Variants in THEMIS observed in about 807,000 individuals in gnomAD.
THEMIS encodes the protein thymocyte selection associated.
Under a neutral mutation model 52.6 loss-of-function variants are expected in THEMIS, and 37 were observed. The ratio of observed to expected loss-of-function variants is 0.70; its 90% CI spans 0.54 to 0.93. The LOEUF (loss-of-function observed/expected upper bound fraction) is 0.93, where lower values mean the gene tolerates loss of function less well. Among genes scored for constraint, THEMIS ranks in the 40% least tolerant of loss-of-function variants. The probability of loss-of-function intolerance (pLI) is 0.00; values close to 1 mark genes in which losing one functional copy is unlikely to be tolerated. For synonymous variants in THEMIS, 292 were observed against 272.7 expected (o/e 1.07, Z -0.70); for missense variants, 808 against 763.1 (o/e 1.06, Z -0.69).
intron 4 of THEMIS, among the ~76,000 whole-genome samples, chr6:127,752,033 G>C (rs1208070994): frequency 6.6e-6 from 1 of 151,540 alleles, no homozygotes; most frequent in Non-Finnish European, 1.5e-5. Context: ...TTAGAAACAA[G>C]AAGATTAAAT....
intron 4 of THEMIS, among the ~76,000 whole-genome samples, chr6:127,740,466 A>C (rs540027107): frequency 7.5e-6 from 1 of 133,416 alleles, no homozygotes; most frequent in African/African-American, 3.1e-5. Context: ...AAATGCAACA[A>C]ATGTGATTTA....
Position 127,812,876 on chromosome 6 carries a change from G to A in THEMIS, c.1758+7C>T. On this transcript the variant is annotated splice_region_variant and intron_variant, in intron 4 of 5. Coordinates refer to ENST00000368248, the MANE Select transcript of THEMIS (RefSeq NM_001010923.3). Reference sequence around the variant, plus strand: ...CCAGAGAAAACATTGCAAAACCATAGCCTTACCTTGGGAGACTTGGGCAGG... The same window carrying A: ...CCAGAGAAAACATTGCAAAACCATAACCTTACCTTGGGAGACTTGGGCAGG... 1.9e-6 allele frequency: 3 copies of A among 1,581,036 alleles called. No individual in the cohort carries two copies. Among genetic ancestry groups the A allele is most frequent in the Non-Finnish European group, 2.6e-6 (3 of 1,163,360 alleles).
intron 1 of THEMIS, among the ~76,000 whole-genome samples, chr6:127,897,285 C>G (rs1780997493): frequency 6.6e-6 from 1 of 151,252 alleles, no homozygotes; most frequent in South Asian, 2.1e-4. Context: ...TATAAACTGA[C>G]TACACTAACA....
chr6:127,823,403 A>G (rs1479851958), intron 3 of THEMIS, among the ~76,000 whole-genome samples: 3 of 152,160 alleles, frequency 2.0e-5, no homozygotes, highest in Admixed American at 6.5e-5. Flanking sequence ...TCATCATAAT[A>G]AGTCAAATCT....
At chr6:127,787,758 C>G (rs1322790536) in intron 4 of THEMIS, among the ~76,000 whole-genome samples, 1 of 151,632 alleles carries the variant, frequency 6.6e-6, no homozygotes, top group South Asian at 2.1e-4. Flanking sequence ...ATTAAGTCTA[C>G]TAACTATATT....
At chr6:127,775,112 C>T (rs571715258) in intron 4 of THEMIS, among the ~76,000 whole-genome samples, 119 of 152,206 alleles carry the variant, frequency 7.8e-4, no homozygotes, top group Non-Finnish European at 1.3e-3. Context: ...TGATTAGGAC[C>T]CATATATGTT....
At chr6:127,875,105 C>G (rs1413638687) in intron 1 of THEMIS, among the ~76,000 whole-genome samples, 1 of 152,214 alleles carries the variant, frequency 6.6e-6, no homozygotes, top group Non-Finnish European at 1.5e-5. Context: ...GAAACATCCC[C>G]AAAACCTCTG....
intron 4 of THEMIS, among the ~76,000 whole-genome samples, chr6:127,763,707 A>G (rs1776099262): frequency 6.6e-6 from 1 of 151,960 alleles, no homozygotes; most frequent in Admixed American, 6.6e-5. Context: ...TGAAATGTGG[A>G]TAGTCTGAAC....
intron 4 of THEMIS, among the ~76,000 whole-genome samples, chr6:127,723,011 G>A (rs914534841): frequency 2.0e-5 from 3 of 151,854 alleles, no homozygotes; most frequent in African/African-American, 7.2e-5. Flanking sequence ...CAGCTGAAAT[G>A]TTTCCACCTC....
intron 4 of THEMIS, among the ~76,000 whole-genome samples, chr6:127,810,936 CA>C (rs773442948): frequency 6.6e-5 from 10 of 151,250 alleles, no homozygotes; most frequent in Non-Finnish European, 1.3e-4. Context: ...AAAGTAAAAA[CA>C]ACTTAGGCTG....
chr6:127,788,203 C>T (rs1298852487), intron 4 of THEMIS, among the ~76,000 whole-genome samples: 2 of 152,288 alleles, frequency 1.3e-5, no homozygotes, highest in East Asian at 3.9e-4. Context: ...AACCTACTAT[C>T]TCTATCTTCC....
intron 2 of THEMIS, among the ~76,000 whole-genome samples, chr6:127,839,948 C>T (rs1328466024): frequency 6.6e-6 from 1 of 151,890 alleles, no homozygotes; most frequent in Non-Finnish European, 1.5e-5. Flanking sequence ...GAGACAGGGA[C>T]ACTAAAAGCC....
intron 4 of THEMIS, among the ~76,000 whole-genome samples, chr6:127,791,802 G>A (rs1388235941): frequency 1.3e-5 from 2 of 152,146 alleles, no homozygotes; most frequent in African/African-American, 4.8e-5. Flanking sequence ...GGTGATAGGG[G>A]GCTGGTGTTT....
intron 4 of THEMIS, among the ~76,000 whole-genome samples, chr6:127,800,691 T>TAG (rs1777502370): frequency 6.6e-6 from 1 of 152,044 alleles, no homozygotes; most frequent in Non-Finnish European, 1.5e-5. Context: ...CAAATCAGCT[T>TAG]AGAGTGCAGC....
intron 4 of THEMIS, among the ~76,000 whole-genome samples, chr6:127,802,630 A>G (rs2114567249): frequency 6.6e-6 from 1 of 152,328 alleles, no homozygotes; most frequent in South Asian, 2.1e-4. Flanking sequence ...AATGGGCAAA[A>G]GACTAATTTG....
chr6:127,777,201 CTGTT>C (rs905658165), intron 4 of THEMIS, among the ~76,000 whole-genome samples: 1 of 128,250 alleles, frequency 7.8e-6, no homozygotes, highest in South Asian at 2.4e-4. Context: ...TTTTTTTTTT[CTGTT>C]TGTTTCATTT....
intron 4 of THEMIS, chr6:127,807,290 G>A: frequency 4.4e-6 from 1 of 225,092 alleles, no homozygotes; most frequent in Non-Finnish European, 9.3e-6. Flanking sequence ...AACCCGGGAG[G>A]CAGAGGTTGC....
chr6:127,737,157 AG>A (rs373468031), intron 4 of THEMIS, among the ~76,000 whole-genome samples: 2 of 152,138 alleles, frequency 1.3e-5, no homozygotes, highest in African/African-American at 4.8e-5. Flanking sequence ...TACCTTTCAG[AG>A]TGTAGCTACT....
chr6:127,750,554 G>T (rs1381664605), intron 4 of THEMIS, among the ~76,000 whole-genome samples: 1 of 151,626 alleles, frequency 6.6e-6, no homozygotes, highest in Non-Finnish European at 1.5e-5. Context: ...TTTAGTAAAG[G>T]TATGTATTTG....
Sources: allele counts gnomAD v4.1 joint callset (sites outside exome capture counted in the v4.1 genomes callset), GRCh38; gene constraint gnomAD v4.1.1; transcripts MANE v1.5; gene names NCBI Gene and HGNC (gene_info 2026-07-23, HGNC 2026-07-21).